Variants in SLC24A4 observed in about 807,000 individuals in gnomAD.
The protein encoded by SLC24A4 is solute carrier family 24 member 4.
In SLC24A4, 53 loss-of-function variants were observed where a neutral mutation model predicts 79.0. The observed-to-expected ratio is 0.67, with a 90% CI of 0.54 to 0.84. The LOEUF (loss-of-function observed/expected upper bound fraction) is 0.84, where lower values mean the gene tolerates loss of function less well. SLC24A4 is among the 40% of genes least tolerant of loss of function. The pLI is 0.00. For missense variants in SLC24A4, 731 were observed against 822.0 expected, an observed-to-expected ratio of 0.89 and a Z score of 1.35; for synonymous variants, 323 against 323.8, an observed-to-expected ratio of 1.00 and a Z score of 0.03.
chr14:92,489,979 T>G (rs1895594062), intron 14 of SLC24A4, among the ~76,000 whole-genome samples: 1 of 152,196 alleles, frequency 6.6e-6, no homozygotes, highest in Non-Finnish European at 1.5e-5. Flanking sequence ...CTAACAGGAC[T>G]AAGCTAAGAG....
At chr14:92,487,561 G>A (rs1156836435) in intron 14 of SLC24A4, among the ~76,000 whole-genome samples, 2 of 152,176 alleles carry the variant, frequency 1.3e-5, no homozygotes, top group East Asian at 1.9e-4. Context: ...GAGAAACCAC[G>A]AGATGAGGGG....
intron 2 of SLC24A4, among the ~76,000 whole-genome samples, chr14:92,366,194 C>T (rs1029292198): frequency 5.3e-5 from 8 of 152,120 alleles, no homozygotes; most frequent in African/African-American, 1.9e-4. Flanking sequence ...TGCTGGACAC[C>T]CTGGCCCTTC....
rs1019188354 is a variant in SLC24A4, at chr14:92,482,857, G to T, written c.1422+11G>T. 6.2e-7 allele frequency: 1 copy of T among 1,604,026 alleles called. No individual in the cohort carries two copies. The highest frequency in any genetic ancestry group is 1.3e-5 in the African/African-American group (1 of 74,788). ...ATCATGGTGTGGCTGGTGAGTGGGG[G>T]GAGCAGGGGGTGGACTGTGTGCACA... is the stretch of plus-strand genomic sequence containing the variant. On this transcript the variant is annotated intron_variant, in intron 13 of 16. Coordinates refer to ENST00000532405, the MANE Select transcript of SLC24A4 (RefSeq NM_153646.4).
chr14:92,341,080 C>T (rs547317213), intron 2 of SLC24A4, among the ~76,000 whole-genome samples: 10 of 152,262 alleles, frequency 6.6e-5, no homozygotes, highest in Admixed American at 1.3e-4. Flanking sequence ...GTGCTCATCC[C>T]GAAAGAGGAT....
At position 92,449,209 on chromosome 14, in the gene SLC24A4, G is replaced by C; in HGVS notation, c.873G>C (p.Leu291=). 1 of 1,614,002 alleles carries C rather than the reference G, an allele frequency of 6.2e-7. No individual in the cohort carries two copies. The highest frequency in any genetic ancestry group is 8.5e-7 in the Non-Finnish European group (1 of 1,179,996). ...ATGATGACCCTTCCGTGCCATTGCT[G>C]GGGCAAGGTAAGGCTGAGCAGACAG... ...GSYDDPSVPL[L]GQVKEKPQYG... Residue 291 remains leucine, a synonymous_variant, in exon 10 of 17, where the codon CTG becomes CTC. Coordinates refer to ENST00000532405, the MANE Select transcript of SLC24A4 (RefSeq NM_153646.4).
intron 2 of SLC24A4, among the ~76,000 whole-genome samples, chr14:92,432,296 T>C (rs1196330891): frequency 6.6e-6 from 1 of 152,220 alleles, no homozygotes; most frequent in Non-Finnish European, 1.5e-5. Flanking sequence ...TCAGGTGATA[T>C]GTCCCCAGCA....
intron 2 of SLC24A4, among the ~76,000 whole-genome samples, chr14:92,350,021 G>A (rs1886781260): frequency 6.6e-6 from 1 of 152,244 alleles, no homozygotes; most frequent in Non-Finnish European, 1.5e-5. Context: ...GGCTGACCAT[G>A]GAAGTCTTGT....
At chr14:92,372,100 G>A (rs17128264) in intron 2 of SLC24A4, among the ~76,000 whole-genome samples, 15,158 of 152,238 alleles carry the variant, frequency 0.1, 1,905 homozygotes, top group African/African-American at 0.3. Flanking sequence ...CTGCAGCAAC[G>A]AAAAACTCTT....
At chr14:92,487,307 A>T (rs1054073337) in intron 14 of SLC24A4, among the ~76,000 whole-genome samples, 1 of 152,232 alleles carries the variant, frequency 6.6e-6, no homozygotes, top group African/African-American at 2.4e-5. Context: ...AGCTGTAACA[A>T]GTGCAGGTTT....
At chr14:92,428,885 A>C (rs1891710200) in intron 2 of SLC24A4, among the ~76,000 whole-genome samples, 1 of 152,256 alleles carries the variant, frequency 6.6e-6, no homozygotes, top group Non-Finnish European at 1.5e-5. Context: ...AATATGGACG[A>C]ATCTTAAACC....
In SLC24A4 at chr14:92,482,690, G is replaced by GGACAAGGT; in HGVS notation, c.1267_1274dup (p.Lys426ThrfsTer53). 6.2e-7 allele frequency: 1 copy of GGACAAGGT among 1,613,098 alleles called. No homozygotes were observed. Among genetic ancestry groups the GGACAAGGT allele is most frequent in the Non-Finnish European group, 8.5e-7 (1 of 1,179,412 alleles). On this transcript the variant is annotated frameshift_variant, in exon 13 of 17. Coordinates refer to ENST00000532405, the MANE Select transcript of SLC24A4 (RefSeq NM_153646.4). LOFTEE classifies it high-confidence loss of function. The stretch of plus-strand genomic sequence containing the variant: ...CCCTTCACCCTGCAGAGGCCAGAGG[G>GGACAAGGT]GACAAGGTCAAGTGGGTGTTCACCT...
At chr14:92,397,606 G>A (rs1442360470) in intron 2 of SLC24A4, among the ~76,000 whole-genome samples, 1 of 152,242 alleles carries the variant, frequency 6.6e-6, no homozygotes, top group South Asian at 2.1e-4. Flanking sequence ...GGGTGCAACT[G>A]TGTAGAGGTC....
intron 2 of SLC24A4, among the ~76,000 whole-genome samples, chr14:92,411,935 A>G (rs920779484): frequency 1.4e-5 from 2 of 143,956 alleles, no homozygotes; most frequent in East Asian, 3.9e-4. Flanking sequence ...GCAAGTGACC[A>G]AAAAACAAAA....
chr14:92,400,082 T>C (rs746734552), intron 2 of SLC24A4, among the ~76,000 whole-genome samples: 2 of 151,988 alleles, frequency 1.3e-5, no homozygotes, highest in Admixed American at 6.5e-5. Context: ...AAAGTACCAG[T>C]ATGTTAGAAT....
intron 2 of SLC24A4, among the ~76,000 whole-genome samples, chr14:92,351,446 A>C (rs1329341331): frequency 6.6e-6 from 1 of 152,170 alleles, no homozygotes; most frequent in East Asian, 1.9e-4. Context: ...AACTCAACAA[A>C]AATTAGCAGC....
At chr14:92,361,716 A>C (rs950580475) in intron 2 of SLC24A4, among the ~76,000 whole-genome samples, 2 of 152,100 alleles carry the variant, frequency 1.3e-5, no homozygotes, top group African/African-American at 4.8e-5. Context: ...TCGGGAACAG[A>C]GAGGTGCGAT....
In SLC24A4 at chr14:92,399,551, T is replaced by C. The variant is rs1889975495; in HGVS notation, c.242-34361T>C. 2.6e-5 allele frequency among the ~76,000 whole-genome samples: 4 copies of C among 152,216 alleles called. No homozygotes were observed. The South Asian group carries it at 8.3e-4, about 32-fold the overall frequency. On this transcript the variant is annotated intron_variant, in intron 2 of 16. Transcript: ENST00000532405. ...TGGTGTTGACTTCTAAATTAAATGT[T>C]GTCCCAAGGTTTGATAAAAAGCTAC...
chr14:92,394,512 C>T (rs8016056), intron 2 of SLC24A4, among the ~76,000 whole-genome samples: 4,763 of 152,264 alleles, frequency 0.031, 271 homozygotes, highest in African/African-American at 0.11. Flanking sequence ...GAGTTTGAGA[C>T]TGCAATGAGC....
intron 12 of SLC24A4, among the ~76,000 whole-genome samples, chr14:92,480,731 A>T (rs1300222973): frequency 6.6e-6 from 1 of 151,268 alleles, no homozygotes; most frequent in African/African-American, 2.4e-5. Context: ...TTCTTCTTTG[A>T]CCCTTTATTT....
Sources: gnomAD v4.1 joint callset for allele counts (sites outside exome capture counted in the v4.1 genomes callset) on GRCh38, gnomAD v4.1.1 for gene constraint, MANE v1.5 for transcripts, NCBI Gene and HGNC (gene_info 2026-07-23, HGNC 2026-07-21) for gene names.